IQGAP1: variants seen among roughly 807,000 people sequenced by gnomAD.
IQGAP1 encodes IQ motif containing GTPase activating protein 1.
A neutral mutation model predicts 215.6 loss-of-function variants in IQGAP1; 66 were observed. The ratio of observed to expected loss-of-function variants is 0.31; its 90% CI spans 0.25 to 0.38. IQGAP1 has a LOEUF of 0.38. Among genes scored for constraint, IQGAP1 ranks in the 10% least tolerant of loss-of-function variants. IQGAP1 has a pLI of 1.00. For synonymous variants in IQGAP1, 772 were observed against 728.7 expected (o/e 1.06, Z -0.96); for missense variants, 1,712 against 1,997.1 (o/e 0.86, Z 2.72).
chr15:90,470,343 A>G (rs1416103072), intron 18 of IQGAP1, among the ~76,000 whole-genome samples: 2 of 151,998 alleles, frequency 1.3e-5, no homozygotes, highest in African/African-American at 2.4e-5. Flanking sequence ...CAGACCTTGT[A>G]CTTTTTGTGC....
chr15:90,401,013 A>G (rs997790722), intron 2 of IQGAP1, among the ~76,000 whole-genome samples: 4 of 152,202 alleles, frequency 2.6e-5, no homozygotes, highest in Admixed American at 2.6e-4. Flanking sequence ...GCTGGTAGGC[A>G]AAGTGAGAAC....
Position 90,391,059 on chromosome 15 carries a change from C to A in IQGAP1, c.155+186C>A, listed in dbSNP as rs1036939857. The A allele has an allele frequency of 3.0e-5, 15 of 495,390 alleles. No individual in the cohort carries two copies. In the Admixed American group the frequency reaches 5.1e-4, roughly 17 times the overall value. The allele number at this position is 495,390 out of a possible 1,614,324, so 30.7% of individuals were successfully genotyped here. A position where few individuals can be genotyped will look rare whatever the true frequency, so the allele number is the denominator to read the frequency against. ...GAGACCAGATTGGGCAACATAGTGA[C>A]ACCCCATCTCTACAAAAAAATTTTA... On this transcript the variant is annotated intron_variant, in intron 2 of 37. Transcript: ENST00000268182.
Position 90,450,330 on chromosome 15 carries a change from C to CTTTTTTTTTTTT in IQGAP1, c.1162+709_1162+720dup, listed in dbSNP as rs869037347. Among the ~76,000 whole-genome samples, 7 of 54,424 alleles carry CTTTTTTTTTTTT rather than the reference C, an allele frequency of 1.3e-4. 1 individual carries two copies. Among genetic ancestry groups the CTTTTTTTTTTTT allele is most frequent in the Non-Finnish European group, 9.6e-5 (3 of 31,402 alleles). 35.7% of individuals were successfully genotyped at this position (54,424 alleles called of 152,430 possible). ...ATATTCCATTATGTGTATACACTAC[C>CTTTTTTTTTTTT]TTTTTTTTTTTTTTTTTTTTTTTTT... On this transcript the variant is annotated intron_variant, in intron 11 of 37. Coordinates refer to ENST00000268182, the MANE Select transcript of IQGAP1 (RefSeq NM_003870.4).
intron 8 of IQGAP1, among the ~76,000 whole-genome samples, chr15:90,442,870 G>A (rs1436124828): frequency 2.0e-5 from 3 of 152,112 alleles, no homozygotes; most frequent in Admixed American, 1.3e-4. Context: ...TACTCAGGAG[G>A]CTGAAGCAAG....
chr15:90,456,395 C>A, intron 15 of IQGAP1, 80 bp downstream of exon 15: 1 of 1,411,182 alleles, frequency 7.1e-7, no homozygotes, highest in East Asian at 2.4e-5. Context: ...GAATATCTTC[C>A]TTGATTCATT....
chr15:90,403,025 C>G (rs1024881600), intron 2 of IQGAP1, among the ~76,000 whole-genome samples: 5 of 152,146 alleles, frequency 3.3e-5, no homozygotes, highest in African/African-American at 1.2e-4. Context: ...AATCCCAACA[C>G]TTACGGAGGC....
chr15:90,477,023 C>T, intron 24 of IQGAP1, 44 bp from the exon 25 acceptor site: 1 of 1,572,670 alleles, frequency 6.4e-7, no homozygotes, highest in Non-Finnish European at 8.7e-7. Flanking sequence ...TCTTGCCAGC[C>T]TTTATATTAC....
At chr15:90,404,994 A>G (rs941581681) in intron 2 of IQGAP1, among the ~76,000 whole-genome samples, 1 of 152,208 alleles carries the variant, frequency 6.6e-6, no homozygotes, top group African/African-American at 2.4e-5. Flanking sequence ...AAAGAGTCTT[A>G]TCTATACTGA....
At chr15:90,456,070 A>G (rs1387185746) in intron 14 of IQGAP1, 82 bp from the exon 15 acceptor site, 1 of 1,177,788 alleles carries the variant, frequency 8.5e-7, no homozygotes, top group African/African-American at 1.5e-5. Context: ...TGGATTTATG[A>G]TTAGTTAGCA....
chr15:90,490,633 GTATAGTT>G (rs1377040451), intron 33 of IQGAP1, among the ~76,000 whole-genome samples: 2 of 152,086 alleles, frequency 1.3e-5, no homozygotes, highest in African/African-American at 4.8e-5. Flanking sequence ...TGTTGTATTA[GTATAGTT>G]ATAACATTTA....
chr15:90,431,684 C>T (rs530419441), intron 4 of IQGAP1, among the ~76,000 whole-genome samples: 3 of 151,896 alleles, frequency 2.0e-5, no homozygotes, highest in East Asian at 3.9e-4. Flanking sequence ...ATTGTCCACC[C>T]TACGTTTAGG....
At chr15:90,475,475 G>T (rs1596285724) in intron 23 of IQGAP1, among the ~76,000 whole-genome samples, 1 of 151,916 alleles carries the variant, frequency 6.6e-6, no homozygotes, top group Non-Finnish European at 1.5e-5. Context: ...GACAGGTCAG[G>T]CATGATGGCT....
chr15:90,389,640 C>T (rs1430974082), intron 1 of IQGAP1, among the ~76,000 whole-genome samples: 1 of 151,872 alleles, frequency 6.6e-6, no homozygotes, highest in Non-Finnish European at 1.5e-5. Flanking sequence ...TGAACAGAGC[C>T]TTGAAGAATG....
chr15:90,488,124 G>C (rs901321674), intron 33 of IQGAP1, among the ~76,000 whole-genome samples: 1 of 152,172 alleles, frequency 6.6e-6, no homozygotes, highest in Non-Finnish European at 1.5e-5. Context: ...GGGAGGCTGA[G>C]GCAGGAGAAT....
chr15:90,478,734 G>A (rs1966013917), intron 26 of IQGAP1, among the ~76,000 whole-genome samples: 1 of 152,164 alleles, frequency 6.6e-6, no homozygotes, highest in Admixed American at 6.5e-5. Flanking sequence ...GGACTTAAAT[G>A]GACCCTGGCA....
rs1021432079 is a variant in IQGAP1 at position 90,427,485 on chromosome 15, A to G, written c.312+1219A>G. Among the ~76,000 whole-genome samples the G allele has an allele frequency of 2.6e-5, 4 of 152,170 alleles. No individual in the cohort carries two copies. In the South Asian group the frequency reaches 6.2e-4, roughly 24 times the overall value. On this transcript the variant is annotated intron_variant, in intron 3 of 37. Transcript: ENST00000268182. ...CCAGGCCCAGTAGTTCATGCCTGTAATCCCAGCACTTTGGGAGGTTGAGGC... is the reference window on the plus strand; with the variant it reads ...CCAGGCCCAGTAGTTCATGCCTGTAGTCCCAGCACTTTGGGAGGTTGAGGC...
In IQGAP1 at chr15:90,441,645, C is replaced by T. The variant is rs1246108334; in HGVS notation, c.789C>T (p.Tyr263=). The T allele has an allele frequency of 1.9e-6, 3 of 1,612,470 alleles. No homozygotes were observed. In the Admixed American group the frequency reaches 5.0e-5, roughly 27 times the overall value. Residue 263 remains tyrosine (Y), a synonymous_variant, in exon 8 of 38, where the codon TAC becomes TAT. Coordinates refer to ENST00000268182, the MANE Select transcript of IQGAP1 (RefSeq NM_003870.4). The part of the protein sequence containing the change: ...PLASTYQDIL[Y]QAKQDKMTNA... ...CATCCACTTACCAGGATATACTTTA[C>T]CAGGCTAAGCAGGACAAAATGACAA...
rs775600587 is a variant in IQGAP1 at position 90,482,001 on chromosome 15, A to G, written c.3371A>G (p.His1124Arg). 6.2e-7 allele frequency: 1 copy of G among 1,614,212 alleles called. No homozygotes were observed. The highest frequency in any genetic ancestry group is 1.1e-5 in the South Asian group (1 of 91,086). ...GTGACCCCTGAGCAGGCGCTAGCTC[A>G]TGAAGAAGTGAAGACACGGCTAGAC... ...YDVTPEQALA[H>R]EEVKTRLDSS... is the part of the protein sequence containing the mutation. Residue 1124 changes from histidine (H) to arginine (R), a missense_variant, in exon 27 of 38, where the codon CAT (histidine) becomes CGT (arginine). His to Arg is a conservative substitution (Grantham distance 29). Around this residue, in one of 2 missense-constraint regions of IQGAP1, gnomAD observed 691 missense variants for 923.0 expected, o/e 0.75. Coordinates refer to ENST00000268182, the MANE Select transcript of IQGAP1 (RefSeq NM_003870.4).
chr15:90,460,056 T>C (rs1223646051), intron 15 of IQGAP1, among the ~76,000 whole-genome samples: 1 of 152,090 alleles, frequency 6.6e-6, no homozygotes, highest in Non-Finnish European at 1.5e-5. Flanking sequence ...GCTGCAGTAC[T>C]GTGTAGGAAA....
Sources: allele counts gnomAD v4.1 joint callset (sites outside exome capture counted in the v4.1 genomes callset), GRCh38; gene constraint gnomAD v4.1.1; regional missense constraint gnomAD v4.1.1; transcripts MANE v1.5; gene names NCBI Gene and HGNC (gene_info 2026-07-23, HGNC 2026-07-21).